ONECUT1: variants seen among roughly 807,000 people sequenced by gnomAD.
ONECUT1 encodes the protein one cut homeobox 1.
Under a neutral mutation model 25.6 loss-of-function variants are expected in ONECUT1, and 12 were observed. The ratio of observed to expected loss-of-function variants is 0.47; its 90% CI spans 0.30 to 0.76. The LOEUF is 0.76. Among genes scored for constraint, ONECUT1 ranks in the 30% least tolerant of loss-of-function variants. The pLI, the probability that ONECUT1 is intolerant of heterozygous loss-of-function variation, is 0.07. For synonymous variants in ONECUT1, 285 were observed against 270.2 expected, an observed-to-expected ratio of 1.05 and a Z score of -0.54; for missense variants, 620 against 651.2, an observed-to-expected ratio of 0.95 and a Z score of 0.52.
At chr15:52,782,200 A>T (rs1310311663) in intron 1 of ONECUT1, among the ~76,000 whole-genome samples, 1 of 152,172 alleles carries the variant, frequency 6.6e-6, no homozygotes, top group African/African-American at 2.4e-5. Flanking sequence ...AATTTCTAGA[A>T]ATTAATTTGT....
At chr15:52,786,437 T>G (rs1352306014) in intron 1 of ONECUT1, among the ~76,000 whole-genome samples, 1 of 152,196 alleles carries the variant, frequency 6.6e-6, no homozygotes, top group Non-Finnish European at 1.5e-5. Context: ...TGGTGTTTGG[T>G]GCCAAATGCC....
chr15:52,780,594 G>T (rs1453963491), intron 1 of ONECUT1: 5 of 1,535,146 alleles, frequency 3.3e-6, no homozygotes, highest in Non-Finnish European at 4.4e-6. Flanking sequence ...AGATTAAATT[G>T]CCTTAATGAA....
In ONECUT1 at chr15:52,767,572, T is replaced by C. The variant is rs1470579113; in HGVS notation, c.1106-9725A>G. On this transcript the variant is annotated intron_variant, in intron 1 of 1. Transcript: ENST00000305901. ...CCCATCAACCTGACCCTTCCCTCCA[T>C]GAAGCTCTCCCCCTGTACTGCAGCT... Among the ~76,000 whole-genome samples the C allele has an allele frequency of 2.0e-5, 3 of 152,146 alleles. No homozygotes were observed. In the East Asian group the frequency reaches 5.8e-4, roughly 29 times the overall value.
In ONECUT1 at chr15:52,789,844, T is replaced by G. The variant is rs1267986045; in HGVS notation, c.41A>C (p.His14Pro). 1 of 1,542,316 alleles carries G rather than the reference T, an allele frequency of 6.5e-7. No individual in the cohort carries two copies. Among genetic ancestry groups the G allele is most frequent in the Non-Finnish European group, 8.7e-7 (1 of 1,155,312 alleles). The change falls in exon 1 of 2, where the codon CAC becomes CCC. Residue 14 changes from histidine (H) to proline (P), a missense_variant. His to Pro is a moderately conservative substitution (Grantham distance 77). Transcript: ENST00000305901. This position sits in a 1 kb window ranked among gnomAD's most constrained non-coding sequence, Gnocchi z 4.1. ...GGGCACCGGCTCATGGCTCACCCCGTGCAGCTCGCCGATCGCTTCCATGGT... is the reference window on the plus strand; with the variant it reads ...GGGCACCGGCTCATGGCTCACCCCGGGCAGCTCGCCGATCGCTTCCATGGT... ...QLTMEAIGEL[H>P]GVSHEPVPAP... is the part of the protein sequence containing the mutation.
At chr15:52,769,098 C>T (rs999489490) in intron 1 of ONECUT1, among the ~76,000 whole-genome samples, 1 of 152,204 alleles carries the variant, frequency 6.6e-6, no homozygotes, top group African/African-American at 2.4e-5. Context: ...TTTCTCTTTT[C>T]CATACAAAAA....
intron 1 of ONECUT1, among the ~76,000 whole-genome samples, chr15:52,786,401 C>T (rs897185540): frequency 3.3e-5 from 5 of 152,244 alleles, no homozygotes; most frequent in Admixed American, 2.6e-4. Flanking sequence ...CATGCTTCCT[C>T]AGGGTCTCAG....
chr15:52,785,286 A>G (rs1316444059), intron 1 of ONECUT1, among the ~76,000 whole-genome samples: 6 of 152,262 alleles, frequency 3.9e-5, no homozygotes, highest in African/African-American at 1.4e-4. Context: ...AAGGCCACTC[A>G]GGGCAAACAC....
intron 1 of ONECUT1, chr15:52,780,980 C>T (rs2083837461): frequency 1.2e-6 from 1 of 868,356 alleles, no homozygotes; most frequent in Admixed American, 4.7e-5. Context: ...AGACAACTCC[C>T]AGCCTATATA....
chr15:52,758,718 TGGAG>T (rs1438279383), intron 1 of ONECUT1, among the ~76,000 whole-genome samples: 25 of 152,316 alleles, frequency 1.6e-4, no homozygotes, highest in African/African-American at 6.0e-4. Flanking sequence ...TTTTGGCTGA[TGGAG>T]TTATTCTAAT....
In ONECUT1 at chr15:52,757,610, C is replaced by G; in HGVS notation, c.1343G>C (p.Gly448Ala). 6.2e-7 allele frequency: 1 copy of G among 1,614,106 alleles called. No homozygotes were observed. The highest frequency in any genetic ancestry group is 2.2e-5 in the East Asian group (1 of 44,882). The change falls in exon 2 of 2, where the codon GGC becomes GCC. Residue 448 changes from glycine to alanine, a missense_variant. Gly to Ala is a moderately conservative substitution (Grantham distance 60, BLOSUM62 0). This residue lies in a region of ONECUT1 where 30 missense variants were observed against 25.1 expected (regional missense o/e 1.20). Coordinates refer to ENST00000305901, the MANE Select transcript of ONECUT1 (RefSeq NM_004498.4). ...RRSLDKWQDEGSSNSGNSSSS... is the reference protein window; with the variant it reads ...RRSLDKWQDEASSNSGNSSSS... ...AGATGAGTTGCCTGAATTGGAGCTG[C>G]CCTCGTCCTGCCACTTGTCCAGACT... is the stretch of plus-strand genomic sequence containing the variant.
intron 1 of ONECUT1, chr15:52,780,900 C>A: frequency 1.5e-6 from 2 of 1,307,174 alleles, no homozygotes; most frequent in Non-Finnish European, 1.9e-6. Context: ...GCGGCATATG[C>A]AAAGGAAGAT....
intron 1 of ONECUT1, among the ~76,000 whole-genome samples, chr15:52,761,413 G>A (rs918631638): frequency 1.3e-5 from 2 of 152,188 alleles, no homozygotes; most frequent in Non-Finnish European, 2.9e-5. Context: ...TCTCACGCCT[G>A]TAATCCCAGC....
At chr15:52,781,877 T>C (rs2083843489) in intron 1 of ONECUT1, among the ~76,000 whole-genome samples, 2 of 152,210 alleles carry the variant, frequency 1.3e-5, no homozygotes, top group Admixed American at 1.3e-4. Flanking sequence ...AGAACATCTA[T>C]GTTCCGATCA....
At chr15:52,771,069 T>A (rs2083764555) in intron 1 of ONECUT1, among the ~76,000 whole-genome samples, 1 of 152,168 alleles carries the variant, frequency 6.6e-6, no homozygotes, top group South Asian at 2.1e-4. Context: ...TTAACACTTC[T>A]AGGAATTTAT....
At chr15:52,779,927 C>G (rs772252404) in intron 1 of ONECUT1, among the ~76,000 whole-genome samples, 1 of 152,158 alleles carries the variant, frequency 6.6e-6, no homozygotes, top group Non-Finnish European at 1.5e-5. Context: ...ATCCATCAGA[C>G]AGTAAATGTG....
intron 1 of ONECUT1, among the ~76,000 whole-genome samples, chr15:52,759,746 C>T (rs770221282): frequency 5.6e-4 from 85 of 150,660 alleles, no homozygotes; most frequent in Non-Finnish European, 9.7e-4. Flanking sequence ...ACTACAGGTG[C>T]GTGCTGCCAC....
rs760083652 is a variant in ONECUT1 at position 52,789,348 on chromosome 15, G to C, written c.537C>G (p.Leu179=). ...HKDVAGMGQS[L]SPLSSSGLGS... ...CCAGACCGGAGCTGGAGAGGGGCGA[G>C]AGGCTCTGGCCCATGCCGGCCACGT... is the stretch of plus-strand genomic sequence containing the variant. The change falls in exon 1 of 2, where the codon CTC becomes CTG. Residue 179 remains leucine, a synonymous_variant. Coordinates refer to ENST00000305901, the MANE Select transcript of ONECUT1 (RefSeq NM_004498.4). This position sits in a 1 kb window ranked among gnomAD's most constrained non-coding sequence, Gnocchi z 4.1. 1 of 1,598,634 alleles carries C rather than the reference G, an allele frequency of 6.3e-7. No individual in the cohort carries two copies. The highest frequency in any genetic ancestry group is 8.5e-7 in the Non-Finnish European group (1 of 1,170,530).
chr15:52,781,665 T>A (rs1188201404), intron 1 of ONECUT1, among the ~76,000 whole-genome samples: 1 of 152,236 alleles, frequency 6.6e-6, no homozygotes, highest in Non-Finnish European at 1.5e-5. Flanking sequence ...AAATACCACT[T>A]AGACTAATGG....
At chr15:52,771,471 GTC>G (rs1555415616) in intron 1 of ONECUT1, among the ~76,000 whole-genome samples, 4 of 146,820 alleles carry the variant, frequency 2.7e-5, no homozygotes, top group Non-Finnish European at 6.0e-5. Context: ...GTGTGTGTGT[GTC>G]TGTGTATATA....
Sources: gnomAD v4.1 joint callset for allele counts (sites outside exome capture counted in the v4.1 genomes callset) on GRCh38, gnomAD v4.1.1 for gene constraint, gnomAD v4.1.1 regional missense constraint, Gnocchi (gnomAD v3.1) non-coding constraint, MANE v1.5 for transcripts, NCBI Gene and HGNC (gene_info 2026-07-23, HGNC 2026-07-21) for gene names.